The following FSHR variants were observed in gnomAD, a reference collection of about 807,000 sequenced individuals.
The protein encoded by FSHR is follicle stimulating hormone receptor, also known as follicle-stimulating hormone receptor.
A neutral mutation model predicts 52.1 loss-of-function variants in FSHR; 46 were observed. That is an observed-to-expected ratio of 0.88 (90% CI 0.70 to 1.13). FSHR has a LOEUF of 1.13. Ranked by LOEUF, FSHR falls within the 50% of genes most tolerant of loss-of-function variation. The pLI is 0.00. For missense variants in FSHR, 964 were observed against 834.6 expected, an observed-to-expected ratio of 1.16 and a Z score of -1.91; for synonymous variants, 399 against 309.6, an observed-to-expected ratio of 1.29 and a Z score of -3.03.
chr2:49,145,039 G>T (rs904458280), intron 1 of FSHR, among the ~76,000 whole-genome samples: 2 of 152,040 alleles, frequency 1.3e-5, no homozygotes, highest in Non-Finnish European at 2.9e-5. Flanking sequence ...ACTAGATTCA[G>T]GATCATCCCA....
intron 1 of FSHR, among the ~76,000 whole-genome samples, chr2:49,109,396 G>T (rs1016867217): frequency 6.6e-6 from 1 of 152,168 alleles, no homozygotes; most frequent in Non-Finnish European, 1.5e-5. Context: ...TATCTGGGTT[G>T]GGGAGAGAGG....
At chr2:49,123,755 G>A (rs529491933) in intron 1 of FSHR, among the ~76,000 whole-genome samples, 1 of 152,118 alleles carries the variant, frequency 6.6e-6, no homozygotes, top group Non-Finnish European at 1.5e-5. Context: ...AGAGAGAAGG[G>A]ATTCAGTAGA....
chr2:49,077,502 C>A (rs74777253), intron 1 of FSHR, among the ~76,000 whole-genome samples: 1 of 152,008 alleles, frequency 6.6e-6, no homozygotes, highest in Non-Finnish European at 1.5e-5. Flanking sequence ...CTCTAACGTG[C>A]CCTGGAGACA....
chr2:49,102,997 A>T (rs1671089509), intron 1 of FSHR, among the ~76,000 whole-genome samples: 1 of 151,936 alleles, frequency 6.6e-6, no homozygotes, highest in Non-Finnish European at 1.5e-5. Flanking sequence ...TTAGATAGAC[A>T]TTTTTTCTCT....
chr2:49,101,148 G>A (rs542391841), intron 1 of FSHR, among the ~76,000 whole-genome samples: 3 of 152,164 alleles, frequency 2.0e-5, no homozygotes, highest in Non-Finnish European at 4.4e-5. Flanking sequence ...ATGTGGAAAA[G>A]TTAAGGAAAT....
At chr2:49,051,265 T>A (rs1051458906) in intron 2 of FSHR, among the ~76,000 whole-genome samples, 1 of 152,116 alleles carries the variant, frequency 6.6e-6, no homozygotes, top group South Asian at 2.1e-4. Context: ...ACTGACAAAC[T>A]GTTTACCAAA....
At chr2:48,968,674 G>A (rs1162381505) in intron 9 of FSHR, 24 bp downstream of exon 9, 2 of 1,612,704 alleles carry the variant, frequency 1.2e-6, no homozygotes, top group African/African-American at 2.7e-5. Flanking sequence ...AAATGCCTGA[G>A]CAGGGCTTAA....
At position 49,067,763 on chromosome 2, in the gene FSHR, G is replaced by T. The variant is rs189903464; in HGVS notation, c.224+456C>A. Among the ~76,000 whole-genome samples the T allele has an allele frequency of 3.9e-5, 6 of 152,124 alleles. No homozygotes were observed. The East Asian group carries it at 1.2e-3, about 29-fold the overall frequency. ...GTGCTGTAAACTTTCCTAGTACTTT[G>T]AAATGCTTATATATCAATTACTACT... On this transcript the variant is annotated intron_variant, in intron 2 of 9. Transcript: ENST00000406846.
intron 8 of FSHR, among the ~76,000 whole-genome samples, chr2:48,982,483 C>G (rs942315548): frequency 1.1e-4 from 16 of 152,084 alleles, no homozygotes; most frequent in African/African-American, 2.9e-4. Context: ...GACACATGAT[C>G]GAGTGGTTGT....
intron 1 of FSHR, among the ~76,000 whole-genome samples, chr2:49,126,374 C>T (rs114084399): frequency 6.6e-6 from 1 of 152,084 alleles, no homozygotes; most frequent in African/African-American, 2.4e-5. Flanking sequence ...ACTTTGATAA[C>T]AAACACCATT....
intron 1 of FSHR, among the ~76,000 whole-genome samples, chr2:49,087,505 G>A (rs1361577894): frequency 6.6e-6 from 1 of 152,134 alleles, no homozygotes; most frequent in Non-Finnish European, 1.5e-5. Flanking sequence ...TAAAAAAGAC[G>A]AAGTATCTGC....
intron 1 of FSHR, among the ~76,000 whole-genome samples, chr2:49,101,682 C>T (rs1205912091): frequency 6.6e-6 from 1 of 152,010 alleles, no homozygotes; most frequent in Non-Finnish European, 1.5e-5. Context: ...AATATCTGAA[C>T]CAAATATCTG....
chr2:48,969,101 T>C (rs1320700059), intron 8 of FSHR, among the ~76,000 whole-genome samples: 1 of 152,124 alleles, frequency 6.6e-6, no homozygotes, highest in Non-Finnish European at 1.5e-5. Flanking sequence ...TAGGAGGAGT[T>C]AGATAACAGG....
chr2:48,980,579 G>A (rs1214774608), intron 8 of FSHR, among the ~76,000 whole-genome samples: 1 of 152,166 alleles, frequency 6.6e-6, no homozygotes, highest in Admixed American at 6.5e-5. Flanking sequence ...ACATTGACTG[G>A]TGTTCTTAGG....
chr2:49,123,801 C>A (rs1671902859), intron 1 of FSHR, among the ~76,000 whole-genome samples: 1 of 152,062 alleles, frequency 6.6e-6, no homozygotes, highest in Admixed American at 6.5e-5. Flanking sequence ...AAGAACAATG[C>A]AGAATGTTGA....
intron 1 of FSHR, among the ~76,000 whole-genome samples, chr2:49,150,249 A>G (rs1673013559): frequency 6.6e-6 from 1 of 151,996 alleles, no homozygotes; most frequent in Non-Finnish European, 1.5e-5. Flanking sequence ...ACATTTTCTT[A>G]CCCAGAAAGT....
intron 2 of FSHR, among the ~76,000 whole-genome samples, chr2:49,065,158 G>A (rs1669453933): frequency 6.6e-6 from 1 of 152,110 alleles, no homozygotes; most frequent in Non-Finnish European, 1.5e-5. Context: ...AAGGTACACA[G>A]TGCATATGGT....
intron 1 of FSHR, among the ~76,000 whole-genome samples, chr2:49,133,813 T>G (rs1476603673): frequency 2.0e-5 from 3 of 152,142 alleles, no homozygotes; most frequent in Admixed American, 2.0e-4. Context: ...AAAAAAGCAA[T>G]GGGGAAAGGA....
At chr2:48,986,216 T>TA (rs1447187445) in intron 6 of FSHR, among the ~76,000 whole-genome samples, 7 of 152,110 alleles carry the variant, frequency 4.6e-5, no homozygotes, top group African/African-American at 1.7e-4. Context: ...AGAGTGAACA[T>TA]ATGGTATTTG....
Sources: allele counts gnomAD v4.1 joint callset (sites outside exome capture counted in the v4.1 genomes callset), GRCh38; gene constraint gnomAD v4.1.1; transcripts MANE v1.5; gene names NCBI Gene and HGNC (gene_info 2026-07-23, HGNC 2026-07-21).